Variants in RICTOR observed in about 807,000 individuals in gnomAD.
The protein encoded by RICTOR is RPTOR independent companion of MTOR complex 2.
A neutral mutation model predicts 214.9 loss-of-function variants in RICTOR; 49 were observed. The observed-to-expected ratio is 0.23, with a 90% CI of 0.18 to 0.29. The LOEUF (loss-of-function observed/expected upper bound fraction) is 0.29. Ranked by LOEUF, RICTOR falls within the 10% of genes least tolerant of loss-of-function variation. The pLI, the probability that RICTOR is intolerant of heterozygous loss-of-function variation, is 1.00. For missense variants in RICTOR, 1,625 were observed against 2,047.0 expected (o/e 0.79, Z 3.98); for synonymous variants, 717 against 711.3 (o/e 1.01, Z -0.13).
intron 2 of RICTOR, among the ~76,000 whole-genome samples, chr5:39,050,099 ATTG>A (rs1242547626): frequency 1.3e-5 from 2 of 151,960 alleles, no homozygotes; most frequent in African/African-American, 4.8e-5. Context: ...TTTGAAAGAA[ATTG>A]TTAATATAGA....
Position 39,003,506 on chromosome 5 carries a change from T to C in RICTOR, c.260+52A>G, listed in dbSNP as rs1478552906. On this transcript the variant is annotated intron_variant, in intron 4 of 37. Transcript: ENST00000357387. ...ATTTCTAGTTTAAAATTACTAAAAT[T>C]AAAATTACTAAAATCTGAAAGGGAT... 3.4e-6 allele frequency: 4 copies of C among 1,181,168 alleles called. No individual in the cohort carries two copies. The East Asian group carries it at 9.4e-5, about 28-fold the overall frequency. 73.2% of individuals were successfully genotyped at this position (1,181,168 alleles called of 1,614,324 possible). A position where few individuals can be genotyped will look rare whatever the true frequency, so the allele number is the denominator to read the frequency against.
rs1749706659 is a variant in RICTOR, at chr5:38,960,526, G to A, written c.1723C>T (p.Arg575Ter). Residue 575 changes from arginine to a stop codon, truncating the protein, a stop_gained, in exon 20 of 38, where the codon CGA (arginine) becomes TGA (stop). Transcript: ENST00000357387. LOFTEE classifies it high-confidence loss of function. ...GGCTTGTAAAAATAAAGTAGTCTTC[G>A]TACAAACCTAAAATCAAAACACAAG... ...YKDEQLHRFV[R>*]RLLYFYKPSS... is the part of the protein sequence containing the mutation. 1.2e-6 allele frequency: 2 copies of A among 1,612,658 alleles called. No homozygotes were observed. Among genetic ancestry groups the A allele is most frequent in the Non-Finnish European group, 1.7e-6 (2 of 1,179,290 alleles).
chr5:38,940,470 G>A lies in RICTOR; in HGVS notation c.*1834C>T, dbSNP rs948557271. Reference sequence around the variant, plus strand: ...CTGGAAAGGCAGTTTAGTTATCCAAGACCAAAGACCACGATGACAGGCAAC... The same window carrying A: ...CTGGAAAGGCAGTTTAGTTATCCAAAACCAAAGACCACGATGACAGGCAAC... On this transcript the variant is annotated 3_prime_UTR_variant, in exon 38 of 38. Transcript: ENST00000357387. 8.6e-6 allele frequency: 2 copies of A among 232,580 alleles called. No individual in the cohort carries two copies. The highest frequency in any genetic ancestry group is 4.4e-5 in the African/African-American group (2 of 45,302). 14.4% of individuals were successfully genotyped at this position (232,580 alleles called of 1,614,324 possible).
chr5:39,024,945 T>G (rs891802251), intron 2 of RICTOR, among the ~76,000 whole-genome samples: 6 of 152,174 alleles, frequency 3.9e-5, no homozygotes, highest in Non-Finnish European at 8.8e-5. Context: ...ACTGGAAATA[T>G]AGCAATAAAC....
Position 39,016,788 on chromosome 5 carries a change from A to G in RICTOR, c.195+4251T>C, listed in dbSNP as rs527662922. On this transcript the variant is annotated intron_variant, in intron 3 of 37. Transcript: ENST00000357387. ...CTGTCCAATGTGGTTAGTAGATACT[A>G]GTTGCAAGTGACTATGAGCACTGGA... Among the ~76,000 whole-genome samples the G allele has an allele frequency of 6.6e-5, 10 of 152,288 alleles. No individual in the cohort carries two copies. The South Asian group carries it at 2.1e-3, about 32-fold the overall frequency.
intron 2 of RICTOR, among the ~76,000 whole-genome samples, chr5:39,034,234 G>A (rs531446027): frequency 1.3e-4 from 20 of 152,330 alleles, no homozygotes; most frequent in African/African-American, 4.6e-4. Context: ...AAATATAGAT[G>A]AGGATCAATC....
intron 7 of RICTOR, among the ~76,000 whole-genome samples, chr5:38,983,256 A>AT (rs1285261287): frequency 3.3e-5 from 5 of 152,202 alleles, no homozygotes; most frequent in African/African-American, 1.2e-4. Context: ...TGTCTTATAT[A>AT]TTTTCTTTTC....
chr5:38,984,970 T>G (rs1352963571), intron 7 of RICTOR, among the ~76,000 whole-genome samples: 1 of 151,722 alleles, frequency 6.6e-6, no homozygotes, highest in African/African-American at 2.4e-5. Context: ...TATGCGTACC[T>G]TTTTTTTGTT....
At position 39,072,687 on chromosome 5, in the gene RICTOR, T is replaced by C. The variant is rs149920668; in HGVS notation, c.97+1424A>G. The stretch of plus-strand genomic sequence containing the variant: ...GTGTTATAGTCAAGTTTCCAAACAG[T>C]TGCACAGAAGTCAAAAGCTTTACAT... On this transcript the variant is annotated intron_variant, in intron 2 of 37. Transcript: ENST00000357387. Among the ~76,000 whole-genome samples the C allele has an allele frequency of 6.0e-3, 916 of 152,290 alleles. 13 individuals carry two copies. Among genetic ancestry groups the C allele is most frequent in the African/African-American group, 0.021 (874 of 41,554 alleles).
chr5:38,959,345 A>G, intron 21 of RICTOR, 24 bp from the exon 22 acceptor site: 1 of 1,359,146 alleles, frequency 7.4e-7, no homozygotes, highest in Non-Finnish European at 1.0e-6. Flanking sequence ...AAAAATAAGA[A>G]TGGTTAAAAG....
rs2112784782 is a variant in RICTOR, at chr5:38,942,877, G to A, written c.5008C>T (p.Arg1670Trp). ...LSHCTFRLPC[R>W]RFIQELFQDV... The stretch of plus-strand genomic sequence containing the variant: ...TGAAATAATTCTTGTATGAACCTCC[G>A]ACACGGAAGTCTGAATGTGCAGTGT... The change falls in exon 37 of 38, where the codon CGG becomes TGG. Residue 1670 changes from arginine to tryptophan, a missense_variant. Arg to Trp is a moderately radical substitution (Grantham distance 101). Around this residue, in one of 5 missense-constraint regions of RICTOR, gnomAD observed 44 missense variants for 90.1 expected, o/e 0.49. Transcript: ENST00000357387. 1 of 1,611,428 alleles carries A rather than the reference G, an allele frequency of 6.2e-7. No homozygotes were observed. Among genetic ancestry groups the A allele is most frequent in the Non-Finnish European group, 8.5e-7 (1 of 1,177,652 alleles).
chr5:39,026,721 T>C (rs989589290), intron 2 of RICTOR, among the ~76,000 whole-genome samples: 2 of 151,750 alleles, frequency 1.3e-5, no homozygotes, highest in African/African-American at 4.8e-5. Context: ...AAAAATTTAA[T>C]GGATGGCCAG....
intron 2 of RICTOR, among the ~76,000 whole-genome samples, chr5:39,050,316 T>C (rs1460781997): frequency 2.0e-5 from 3 of 151,886 alleles, no homozygotes; most frequent in Non-Finnish European, 2.9e-5. Flanking sequence ...TACAAAGAAC[T>C]TACTGCTTTG....
intron 10 of RICTOR, among the ~76,000 whole-genome samples, chr5:38,973,674 G>GTT (rs1750971465): frequency 6.6e-6 from 1 of 152,072 alleles, no homozygotes; most frequent in African/African-American, 2.4e-5. Flanking sequence ...AACATACTAG[G>GTT]TAAGCTTATT....
intron 35 of RICTOR, 52 bp from the exon 36 acceptor site, chr5:38,944,621 A>G: frequency 7.0e-7 from 1 of 1,428,554 alleles, no homozygotes; most frequent in Non-Finnish European, 9.6e-7. Context: ...CAATAAAATG[A>G]TTAAAACTCA....
chr5:39,019,325 C>T (rs1040007516), intron 3 of RICTOR, among the ~76,000 whole-genome samples: 4 of 152,244 alleles, frequency 2.6e-5, no homozygotes, highest in East Asian at 1.9e-4. Context: ...GAAGAAGACG[C>T]CATCGAGAAC....
chr5:38,983,949 A>G (rs1293941376), intron 7 of RICTOR, among the ~76,000 whole-genome samples: 1 of 152,196 alleles, frequency 6.6e-6, no homozygotes, highest in Non-Finnish European at 1.5e-5. Flanking sequence ...CTGGTGGCAG[A>G]GTGAGACTCC....
intron 22 of RICTOR, 113 bp from the exon 23 acceptor site, chr5:38,958,944 G>T: frequency 1.3e-6 from 1 of 799,622 alleles, no homozygotes; most frequent in Non-Finnish European, 1.8e-6. Context: ...GCCTGGAATT[G>T]GTGGTCTAGC....
intron 6 of RICTOR, among the ~76,000 whole-genome samples, chr5:38,996,365 G>A (rs1753175644): frequency 6.6e-6 from 1 of 152,126 alleles, no homozygotes. Flanking sequence ...TCCTGTACAA[G>A]GGCCTGAATT....
Sources: allele counts gnomAD v4.1 joint callset (sites outside exome capture counted in the v4.1 genomes callset), GRCh38; gene constraint gnomAD v4.1.1; regional missense constraint gnomAD v4.1.1; transcripts MANE v1.5; gene names NCBI Gene and HGNC (gene_info 2026-07-23, HGNC 2026-07-21).